The following NRXN3 variants were observed in gnomAD, a reference collection of about 807,000 sequenced individuals.
NRXN3 encodes the protein neurexin III.
A neutral mutation model predicts 137.6 loss-of-function variants in NRXN3; 32 were observed. The ratio of observed to expected loss-of-function variants is 0.23; its 90% CI spans 0.18 to 0.31. The LOEUF (loss-of-function observed/expected upper bound fraction) is 0.31. Among genes scored for constraint, NRXN3 ranks in the 10% least tolerant of loss-of-function variants. The probability of loss-of-function intolerance (pLI) is 1.00; values close to 1 mark genes in which losing one functional copy is unlikely to be tolerated. For missense variants in NRXN3, 1,574 were observed against 2,062.5 expected (o/e 0.76, Z 4.59); for synonymous variants, 798 against 784.5 (o/e 1.02, Z -0.29).
At chr14:78,354,567 C>A (rs1465640477) in intron 4 of NRXN3, among the ~76,000 whole-genome samples, 1 of 152,160 alleles carries the variant, frequency 6.6e-6, no homozygotes, top group African/African-American at 2.4e-5. Flanking sequence ...CTCGAATGAT[C>A]ATTGGGACAA....
chr14:79,689,311 A>G lies in NRXN3; in HGVS notation c.3617-2862A>G, dbSNP rs994018329. On this transcript the variant is annotated intron_variant, in intron 17 of 20. Transcript: ENST00000335750. ...AGTAGCCCTGTATAAGAATACTTAT[A>G]TTTAGAAGGTTGTTTGCGCTTCAGT... 2.6e-5 allele frequency among the ~76,000 whole-genome samples: 4 copies of G among 152,156 alleles called. No homozygotes were observed. In the South Asian group the frequency reaches 6.2e-4, roughly 24 times the overall value.
intron 16 of NRXN3, among the ~76,000 whole-genome samples, chr14:79,537,559 G>A: frequency 6.6e-6 from 1 of 151,816 alleles, no homozygotes; most frequent in Non-Finnish European, 1.5e-5. Context: ...TTTTGTCCTT[G>A]CAATAGTTTG....
At chr14:78,894,303 T>G (rs932657224) in intron 10 of NRXN3, among the ~76,000 whole-genome samples, 2 of 151,996 alleles carry the variant, frequency 1.3e-5, no homozygotes, top group African/African-American at 4.8e-5. Flanking sequence ...TGGAATATTC[T>G]AAATCCTTTG....
At chr14:78,376,515 T>C (rs1225849602) in intron 4 of NRXN3, among the ~76,000 whole-genome samples, 1 of 152,152 alleles carries the variant, frequency 6.6e-6, no homozygotes, top group African/African-American at 2.4e-5. Flanking sequence ...ACATTATATA[T>C]AAGAAGACTC....
intron 4 of NRXN3, among the ~76,000 whole-genome samples, chr14:78,413,699 G>A (rs1305419054): frequency 6.6e-6 from 1 of 152,154 alleles, no homozygotes; most frequent in African/African-American, 2.4e-5. Context: ...AGAAGGATGA[G>A]GTGCAGCGTA....
chr14:78,539,292 G>T lies in NRXN3; in HGVS notation c.758-105828G>T, dbSNP rs186873273. Among the ~76,000 whole-genome samples, 471 of 152,266 alleles carry T rather than the reference G, an allele frequency of 3.1e-3. 2 individuals carry two copies. Among genetic ancestry groups the T allele is most frequent in the Middle Eastern group, 6.8e-3 (2 of 294 alleles). ...TATTAATTATTGCCTCAATTTCAGA[G>T]CCTGTTATTGGTCTATTCAGAGATT... On this transcript the variant is annotated intron_variant, in intron 4 of 20. Coordinates refer to ENST00000335750, the MANE Select transcript of NRXN3 (RefSeq NM_001330195.2).
chr14:79,719,767 C>T (rs2098837726), intron 19 of NRXN3, among the ~76,000 whole-genome samples: 1 of 152,044 alleles, frequency 6.6e-6, no homozygotes, highest in South Asian at 2.1e-4. Context: ...CCTTGTTATA[C>T]TTTCAGACAT....
chr14:79,443,607 G>A (rs995648112), intron 15 of NRXN3, among the ~76,000 whole-genome samples: 2 of 152,112 alleles, frequency 1.3e-5, no homozygotes, highest in Non-Finnish European at 2.9e-5. Context: ...CTGGTCTAGA[G>A]GTAAACCAAT....
intron 4 of NRXN3, among the ~76,000 whole-genome samples, chr14:78,521,317 T>C (rs912964355): frequency 6.6e-6 from 1 of 152,230 alleles, no homozygotes; most frequent in African/African-American, 2.4e-5. Context: ...TTAGGTTAGT[T>C]TGGCATTTTA....
intron 6 of NRXN3, among the ~76,000 whole-genome samples, chr14:78,663,782 A>C (rs1325223362): frequency 6.6e-6 from 1 of 152,178 alleles, no homozygotes; most frequent in Non-Finnish European, 1.5e-5. Flanking sequence ...ATTTACAGCA[A>C]ATGTAATCTA....
chr14:78,321,699 ACTT>A (rs1290997899), intron 4 of NRXN3, among the ~76,000 whole-genome samples: 1 of 152,018 alleles, frequency 6.6e-6, no homozygotes, highest in African/African-American at 2.4e-5. Flanking sequence ...GGTTGGGTGT[ACTT>A]CTTCCTTTCA....
intron 19 of NRXN3, among the ~76,000 whole-genome samples, chr14:79,755,196 C>T (rs1468450326): frequency 2.6e-5 from 4 of 152,074 alleles, no homozygotes; most frequent in South Asian, 2.1e-4. Flanking sequence ...TATCCTCTCA[C>T]GTACTTTAAA....
intron 8 of NRXN3, among the ~76,000 whole-genome samples, chr14:78,748,345 C>A (rs1595473379): frequency 1.5e-5 from 1 of 66,650 alleles, no homozygotes; most frequent in South Asian, 8.1e-4. Flanking sequence ...TATTCAAGAT[C>A]CTAAAGCATA....
At chr14:78,526,601 T>C (rs1253572810) in intron 4 of NRXN3, among the ~76,000 whole-genome samples, 2 of 152,240 alleles carry the variant, frequency 1.3e-5, no homozygotes, top group African/African-American at 2.4e-5. Context: ...TCTTCATTTC[T>C]TTTTCAGTAA....
chr14:79,468,700 T>C (rs1466612645), intron 16 of NRXN3, among the ~76,000 whole-genome samples: 3 of 152,188 alleles, frequency 2.0e-5, no homozygotes, highest in South Asian at 2.1e-4. Context: ...CACTTGCTCT[T>C]CCAGCATGCC....
intron 15 of NRXN3, among the ~76,000 whole-genome samples, chr14:79,435,237 C>CAAG (rs2095825795): frequency 6.7e-6 from 1 of 148,236 alleles, no homozygotes; most frequent in African/African-American, 2.5e-5. Flanking sequence ...AGTAATGAAG[C>CAAG]AAGAATGTCA....
At chr14:78,801,182 A>G (rs919224155) in intron 8 of NRXN3, among the ~76,000 whole-genome samples, 4 of 152,126 alleles carry the variant, frequency 2.6e-5, no homozygotes, top group Non-Finnish European at 5.9e-5. Flanking sequence ...TTAGCCGCAC[A>G]TGGTGGCAGG....
intron 14 of NRXN3, among the ~76,000 whole-genome samples, chr14:78,979,422 T>C (rs1237794186): frequency 6.6e-6 from 1 of 152,172 alleles, no homozygotes; most frequent in Non-Finnish European, 1.5e-5. Flanking sequence ...CTTATTTATA[T>C]GAGACTTATA....
intron 4 of NRXN3, among the ~76,000 whole-genome samples, chr14:78,512,140 T>C (rs2096121068): frequency 6.6e-6 from 1 of 152,106 alleles, no homozygotes; most frequent in Non-Finnish European, 1.5e-5. Flanking sequence ...GATGAAGGAT[T>C]CATGGCCAAG....
Sources: allele counts gnomAD v4.1 joint callset (sites outside exome capture counted in the v4.1 genomes callset), GRCh38; gene constraint gnomAD v4.1.1; transcripts MANE v1.5; gene names NCBI Gene and HGNC (gene_info 2026-07-23, HGNC 2026-07-21).